The following UGT1A7 variants were observed in gnomAD, a reference collection of about 807,000 sequenced individuals.
The protein encoded by UGT1A7 is UDP glucuronosyltransferase family 1 member A7.
A neutral mutation model predicts 45.6 loss-of-function variants in UGT1A7; 33 were observed. The ratio of observed to expected loss-of-function variants is 0.72; its 90% CI spans 0.55 to 0.97. UGT1A7 has a LOEUF of 0.97. Among genes scored for constraint, UGT1A7 ranks in the 50% least tolerant of loss-of-function variants. The probability of loss-of-function intolerance (pLI) is 0.00; values close to 1 mark genes in which losing one functional copy is unlikely to be tolerated. For synonymous variants in UGT1A7, 274 were observed against 250.6 expected (o/e 1.09, Z -0.88); for missense variants, 684 against 666.2 (o/e 1.03, Z -0.29).
rs767252152 is a variant in UGT1A7 at position 233,682,228 on chromosome 2, C to A, written c.291C>A (p.Arg97=). 297 of 1,614,236 alleles carry A rather than the reference C, an allele frequency of 1.8e-4. 2 individuals carry two copies. The South Asian group carries it at 3.1e-3, about 17-fold the overall frequency. The change falls in exon 1 of 5, where the codon CGC becomes CGA. Residue 97 remains arginine, a synonymous_variant. Coordinates refer to ENST00000373426, the MANE Select transcript of UGT1A7 (RefSeq NM_019077.3). The part of the protein sequence containing the change: ...DREFMVFADA[R]WTAPLRSAFS... ...AGTTCATGGTTTTTGCCGATGCTCG[C>A]TGGACGGCACCATTGCGAAGTGCAT... is the stretch of plus-strand genomic sequence containing the variant.
intron 1 of UGT1A7, among the ~76,000 whole-genome samples, chr2:233,728,144 G>T (rs577177228): frequency 2.0e-5 from 3 of 152,328 alleles, no homozygotes; most frequent in South Asian, 4.2e-4. Flanking sequence ...CCCACAAATT[G>T]TGCAGCCCAT....
At chr2:233,743,218 T>C in intron 1 of UGT1A7, 1 of 410,544 alleles carries the variant, frequency 2.4e-6, no homozygotes. Flanking sequence ...GTAACTGCTC[T>C]TTGCTATTTA....
At chr2:233,723,956 C>G (rs1367171435) in intron 1 of UGT1A7, among the ~76,000 whole-genome samples, 1 of 55,390 alleles carries the variant, frequency 1.8e-5, no homozygotes, top group Non-Finnish European at 3.1e-5. Flanking sequence ...GGCAACCATC[C>G]GATTTCTCAA....
At chr2:233,709,447 T>C (rs756561648) in intron 1 of UGT1A7, among the ~76,000 whole-genome samples, 19 of 152,250 alleles carry the variant, frequency 1.2e-4, no homozygotes, top group Non-Finnish European at 2.2e-4. Flanking sequence ...ACCTGCCGAC[T>C]TTTAAAGCAA....
At chr2:233,743,650 G>C (rs556129739) in intron 1 of UGT1A7, 34 of 1,367,276 alleles carry the variant, frequency 2.5e-5, no homozygotes, top group East Asian at 9.1e-5. Flanking sequence ...AGCTGAAGAC[G>C]TACTCGAAGG....
chr2:233,762,622 T>A (rs772893097), intron 1 of UGT1A7, among the ~76,000 whole-genome samples: 3 of 152,196 alleles, frequency 2.0e-5, no homozygotes, highest in Non-Finnish European at 4.4e-5. Context: ...TGTTGTGACC[T>A]CAAACACTTC....
intron 1 of UGT1A7, among the ~76,000 whole-genome samples, chr2:233,745,781 C>T (rs1693207389): frequency 6.7e-6 from 1 of 150,162 alleles, no homozygotes; most frequent in Non-Finnish European, 1.5e-5. Context: ...TGAGCTTAGA[C>T]AGGGGGGCTG....
chr2:233,768,137 T>C (rs143830502), intron 3 of UGT1A7, 83 bp from the exon 4 acceptor site: 2 of 1,609,224 alleles, frequency 1.2e-6, no homozygotes, highest in East Asian at 4.5e-5. Context: ...ACTGAGTCTT[T>C]GGAGTGTTTT....
intron 1 of UGT1A7, among the ~76,000 whole-genome samples, chr2:233,745,151 G>A (rs1280914667): frequency 6.6e-6 from 1 of 151,808 alleles, no homozygotes; most frequent in African/African-American, 2.4e-5. Flanking sequence ...AGTATATGGA[G>A]GGTCAAATGT....
At chr2:233,758,820 C>A (rs1028156613) in intron 1 of UGT1A7, among the ~76,000 whole-genome samples, 1 of 152,084 alleles carries the variant, frequency 6.6e-6, no homozygotes, top group African/African-American at 2.4e-5. Flanking sequence ...GCAGTATATC[C>A]CCCCCAAAAA....
At chr2:233,720,813 C>T (rs929586898) in intron 1 of UGT1A7, among the ~76,000 whole-genome samples, 31 of 151,162 alleles carry the variant, frequency 2.1e-4, no homozygotes, top group Non-Finnish European at 4.3e-4. Context: ...TTAAGAAATT[C>T]TCCCACCTCA....
chr2:233,750,098 G>A (rs1449295750), intron 1 of UGT1A7, among the ~76,000 whole-genome samples: 1 of 151,902 alleles, frequency 6.6e-6, no homozygotes, highest in Non-Finnish European at 1.5e-5. Context: ...AGTTTGGAGA[G>A]CTCAGAAGAA....
At chr2:233,717,943 A>C (rs1575519022) in intron 1 of UGT1A7, 1 of 453,580 alleles carries the variant, frequency 2.2e-6, no homozygotes, top group East Asian at 7.0e-5. Flanking sequence ...CTCTATGCAG[A>C]CTTGCAGAAG....
chr2:233,738,005 T>G (rs1333736742), intron 1 of UGT1A7, among the ~76,000 whole-genome samples: 1 of 152,062 alleles, frequency 6.6e-6, no homozygotes, highest in Non-Finnish European at 1.5e-5. Flanking sequence ...CCACCAAATC[T>G]CATCTTGAAT....
At chr2:233,746,276 T>A (rs1693346507) in intron 1 of UGT1A7, among the ~76,000 whole-genome samples, 1 of 151,642 alleles carries the variant, frequency 6.6e-6, no homozygotes, top group African/African-American at 2.4e-5. Flanking sequence ...GCTGTGGGGA[T>A]TCAAGGAAGG....
intron 1 of UGT1A7, chr2:233,728,998 G>C: frequency 6.4e-7 from 1 of 1,560,662 alleles, no homozygotes; most frequent in South Asian, 1.2e-5. Context: ...AACTAGAGGA[G>C]GGCACTCTGT....
At chr2:233,725,101 C>G (rs1177502962) in intron 1 of UGT1A7, among the ~76,000 whole-genome samples, 4 of 143,214 alleles carry the variant, frequency 2.8e-5, no homozygotes, top group African/African-American at 1.1e-4. Context: ...GCAGGAGAAT[C>G]AGGCAGGGAG....
Position 233,769,302 on chromosome 2 carries a change from T to C in UGT1A7, c.1295+863T>C, listed in dbSNP as rs139674601. 9.5e-4 allele frequency among the ~76,000 whole-genome samples: 145 copies of C among 152,348 alleles called. No homozygotes were observed. The highest frequency in any genetic ancestry group is 3.0e-3 in the African/African-American group (125 of 41,572). Reference sequence around the variant, plus strand: ...TGATTTCTGGATTAAAGTTAGTATATTACTGTCAAGCTCACTGGTAATAGG... The same window carrying C: ...TGATTTCTGGATTAAAGTTAGTATACTACTGTCAAGCTCACTGGTAATAGG... On this transcript the variant is annotated intron_variant, in intron 4 of 4. Transcript: ENST00000373426. This position sits in a 1 kb window ranked among gnomAD's most constrained non-coding sequence, Gnocchi z 4.4.
At chr2:233,705,882 G>T (rs1372045008) in intron 1 of UGT1A7, among the ~76,000 whole-genome samples, 1 of 152,150 alleles carries the variant, frequency 6.6e-6, no homozygotes, top group Non-Finnish European at 1.5e-5. Flanking sequence ...GAGGCCAGGA[G>T]TTCAAGACTG....
Sources: gnomAD v4.1 joint callset for allele counts (sites outside exome capture counted in the v4.1 genomes callset) on GRCh38, gnomAD v4.1.1 for gene constraint, Gnocchi (gnomAD v3.1) non-coding constraint, MANE v1.5 for transcripts, NCBI Gene and HGNC (gene_info 2026-07-23, HGNC 2026-07-21) for gene names.